Variants in DLGAP1 observed in about 807,000 individuals in gnomAD.
The protein encoded by DLGAP1 is DLG associated protein 1.
A neutral mutation model predicts 90.8 loss-of-function variants in DLGAP1; 11 were observed. The observed-to-expected ratio is 0.12, with a 90% confidence interval of 0.08 to 0.20. The LOEUF (loss-of-function observed/expected upper bound fraction) is 0.20. DLGAP1 is among the 10% of genes least tolerant of loss of function. DLGAP1 has a pLI of 1.00. For missense variants in DLGAP1, 1,050 were observed against 1,333.8 expected, an observed-to-expected ratio of 0.79 and a Z score of 3.31; for synonymous variants, 558 against 540.7, an observed-to-expected ratio of 1.03 and a Z score of -0.44.
intron 1 of DLGAP1, among the ~76,000 whole-genome samples, chr18:4,296,951 T>C (rs955130356): frequency 6.6e-6 from 1 of 152,204 alleles, no homozygotes; most frequent in Non-Finnish European, 1.5e-5. Context: ...CCAGAAGTGA[T>C]GCATCATCTG....
intron 7 of DLGAP1, among the ~76,000 whole-genome samples, chr18:3,714,296 G>C (rs2147259858): frequency 6.6e-6 from 1 of 152,264 alleles, no homozygotes; most frequent in Middle Eastern, 3.4e-3. Context: ...GTCGTTTTTG[G>C]AAAGAATCAC....
chr18:3,560,104 CTT>C (rs2053988891), intron 9 of DLGAP1, among the ~76,000 whole-genome samples: 1 of 151,974 alleles, frequency 6.6e-6, no homozygotes, highest in African/African-American at 2.4e-5. Context: ...TTTGAACAAA[CTT>C]ATCTGTTAGA....
intron 9 of DLGAP1, among the ~76,000 whole-genome samples, chr18:3,561,115 AT>A (rs1361649922): frequency 6.6e-6 from 1 of 150,632 alleles, no homozygotes; most frequent in Non-Finnish European, 1.5e-5. Context: ...TGTTAGATCA[AT>A]TACGAATGAG....
rs973191001 is a variant in DLGAP1 at position 3,759,268 on chromosome 18, A to C, written c.1173-16756T>G. Among the ~76,000 whole-genome samples the C allele has an allele frequency of 1.5e-4, 23 of 151,986 alleles. No homozygotes were observed. In the South Asian group the frequency reaches 1.7e-3, roughly 11 times the overall value. ...CTATATTGCTCTGCCAAAAAAAAAA[A>C]AAAACAAAACCCAACCTGATTTGGT... On this transcript the variant is annotated intron_variant, in intron 5 of 12. Transcript: ENST00000315677.
intron 7 of DLGAP1, among the ~76,000 whole-genome samples, chr18:3,676,020 A>G (rs1411037343): frequency 1.3e-5 from 2 of 152,166 alleles, no homozygotes; most frequent in Non-Finnish European, 2.9e-5. Context: ...GCAGCCCCAG[A>G]CTATTTGTTT....
At chr18:3,594,049 A>T (rs970020655) in intron 7 of DLGAP1, 6 of 151,766 alleles carry the variant, frequency 4.0e-5, no homozygotes, top group Non-Finnish European at 7.4e-5. Context: ...TGATGCCTGG[A>T]AATGATGTCA....
At chr18:3,813,908 C>A in intron 5 of DLGAP1, 151 bp downstream of exon 5, 1 of 717,016 alleles carries the variant, frequency 1.4e-6, no homozygotes, top group East Asian at 2.7e-5. Context: ...GACTGGGGTA[C>A]GGACGTCAGA....
chr18:4,276,796 T>C (rs554689604), intron 1 of DLGAP1, among the ~76,000 whole-genome samples: 130 of 152,190 alleles, frequency 8.5e-4, no homozygotes, highest in Non-Finnish European at 8.7e-4. Context: ...ACTCTAAATT[T>C]TGTGTGATTC....
intron 8 of DLGAP1, among the ~76,000 whole-genome samples, chr18:3,576,832 C>T (rs1410708094): frequency 6.7e-6 from 1 of 149,844 alleles, no homozygotes; most frequent in African/African-American, 2.5e-5. Context: ...TCCCAAAGTG[C>T]TGGGATTACA....
chr18:3,705,558 T>A (rs2061406115), intron 7 of DLGAP1, among the ~76,000 whole-genome samples: 1 of 151,772 alleles, frequency 6.6e-6, no homozygotes, highest in South Asian at 2.1e-4. Flanking sequence ...AAAATATTGT[T>A]TCACCAAGGG....
chr18:3,843,339 C>T (rs1053771567), intron 4 of DLGAP1, among the ~76,000 whole-genome samples: 7 of 152,156 alleles, frequency 4.6e-5, no homozygotes, highest in Admixed American at 3.9e-4. Context: ...GGCCAAAGAG[C>T]CTTGCACATT....
chr18:4,243,041 G>A (rs1464250096), intron 1 of DLGAP1, among the ~76,000 whole-genome samples: 1 of 152,166 alleles, frequency 6.6e-6, no homozygotes, highest in Admixed American at 6.5e-5. Flanking sequence ...AGAAAGGGGA[G>A]AGTGCTCAGT....
At chr18:4,199,936 A>G (rs1040967673) in intron 1 of DLGAP1, among the ~76,000 whole-genome samples, 3 of 152,122 alleles carry the variant, frequency 2.0e-5, no homozygotes, top group African/African-American at 7.2e-5. Context: ...ATTTCAATGT[A>G]TTTTTCACTG....
chr18:4,110,607 T>G (rs146084026), intron 2 of DLGAP1, among the ~76,000 whole-genome samples: 63 of 152,336 alleles, frequency 4.1e-4, no homozygotes, highest in African/African-American at 1.5e-3. Context: ...AGAGATACTA[T>G]ATTTTGGGGA....
At chr18:4,395,868 A>G (rs1436841715) in intron 1 of DLGAP1, among the ~76,000 whole-genome samples, 2 of 152,164 alleles carry the variant, frequency 1.3e-5, no homozygotes, top group South Asian at 2.1e-4. Flanking sequence ...TGCAGTTAAC[A>G]TGTTCCTAAA....
intron 2 of DLGAP1, among the ~76,000 whole-genome samples, chr18:4,071,399 T>C (rs1037812806): frequency 6.6e-6 from 1 of 152,190 alleles, no homozygotes; most frequent in African/African-American, 2.4e-5. Context: ...ATCAAAATGA[T>C]AAATGTAATT....
intron 1 of DLGAP1, among the ~76,000 whole-genome samples, chr18:4,196,187 C>T (rs752099539): frequency 5.9e-4 from 90 of 152,156 alleles, no homozygotes; most frequent in Non-Finnish European, 1.0e-3. Flanking sequence ...TCTACTCTTA[C>T]GGACATTACA....
At chr18:4,057,765 C>T (rs537315919) in intron 2 of DLGAP1, among the ~76,000 whole-genome samples, 58 of 152,276 alleles carry the variant, frequency 3.8e-4, no homozygotes, top group South Asian at 8.3e-4. Context: ...ATGGATTCGC[C>T]GCTGCTATCA....
chr18:3,535,229 G>C (rs2052285610), intron 9 of DLGAP1, among the ~76,000 whole-genome samples: 1 of 152,052 alleles, frequency 6.6e-6, no homozygotes, highest in African/African-American at 2.4e-5. Context: ...AGCATATCAA[G>C]AGAAATTTTA....
Sources: gnomAD v4.1 joint callset for allele counts (sites outside exome capture counted in the v4.1 genomes callset) on GRCh38, gnomAD v4.1.1 for gene constraint, MANE v1.5 for transcripts, NCBI Gene and HGNC (gene_info 2026-07-23, HGNC 2026-07-21) for gene names.